The following OTOGL variants were observed in gnomAD, a reference collection of about 807,000 sequenced individuals.
The protein encoded by OTOGL is otogelin-like protein.
A neutral mutation model predicts 318.5 loss-of-function variants in OTOGL; 285 were observed. The observed-to-expected ratio is 0.89, with a 90% confidence interval of 0.81 to 0.99. OTOGL has a LOEUF of 0.99. Ranked by LOEUF, OTOGL falls within the 50% of genes least tolerant of loss-of-function variation. The pLI is 0.00. For missense variants in OTOGL, 2,899 were observed against 2,845.6 expected, an observed-to-expected ratio of 1.02 and a Z score of -0.43; for synonymous variants, 987 against 936.5, an observed-to-expected ratio of 1.05 and a Z score of -0.99.
At chr12:80,368,099 G>A in intron 54 of OTOGL, 106 bp from the exon 55 acceptor site, 1 of 809,574 alleles carries the variant, frequency 1.2e-6, no homozygotes, top group Non-Finnish European at 1.9e-6. Flanking sequence ...AATCCTTACA[G>A]TTGTCTGGAA....
At position 80,308,793 on chromosome 12, in the gene OTOGL, C is replaced by T. The variant is rs185617069; in HGVS notation, c.3334-1818C>T. On this transcript the variant is annotated intron_variant, in intron 29 of 58. Transcript: ENST00000547103. Reference sequence around the variant, plus strand: ...CAGCCCGGCCAACACAGCGAATCCCCGTCTCCACCAAAAAAATACAAAAAC... The same window carrying T: ...CAGCCCGGCCAACACAGCGAATCCCTGTCTCCACCAAAAAAATACAAAAAC... Among the ~76,000 whole-genome samples the T allele has an allele frequency of 2.4e-3, 358 of 152,328 alleles. 1 individual carries two copies. Among genetic ancestry groups the T allele is most frequent in the African/African-American group, 7.8e-3 (326 of 41,574 alleles).
chr12:80,249,119 C>T (rs1040064344), intron 11 of OTOGL, among the ~76,000 whole-genome samples: 30 of 146,224 alleles, frequency 2.1e-4, no homozygotes, highest in South Asian at 1.1e-3. Flanking sequence ...AATGTCCTCC[C>T]GTAGCTCAGA....
chr12:80,126,909 C>T (rs7971042), intron 1 of OTOGL, among the ~76,000 whole-genome samples: 81,718 of 151,866 alleles, frequency 0.54, 22,156 homozygotes, highest in Middle Eastern at 0.58. Context: ...TCTTCCTCCA[C>T]CCTTTTATTT....
intron 1 of OTOGL, among the ~76,000 whole-genome samples, chr12:80,184,611 G>A (rs1456442473): frequency 6.6e-6 from 1 of 152,100 alleles, no homozygotes; most frequent in Non-Finnish European, 1.5e-5. Flanking sequence ...AGAGAGTAAT[G>A]AGCATTCCTA....
intron 37 of OTOGL, among the ~76,000 whole-genome samples, chr12:80,332,107 A>T (rs547310040): frequency 3.7e-4 from 57 of 152,278 alleles, no homozygotes; most frequent in African/African-American, 1.3e-3. Flanking sequence ...TAATAGCTTG[A>T]TTTTAGGGCT....
In OTOGL at chr12:80,336,075, G is replaced by C; in HGVS notation, c.4535G>C (p.Cys1512Ser). ...CCAAAGGACGTGGAAATGCCTGACTGTGGTTTCCGAGGAAGGCCAGTTCAA... is the reference window on the plus strand; with the variant it reads ...CCAAAGGACGTGGAAATGCCTGACTCTGGTTTCCGAGGAAGGCCAGTTCAA... Reference protein sequence around the residue: ...NCPKDVEMPDCGFRGRPVQVN... With the variant: ...NCPKDVEMPDSGFRGRPVQVN... Residue 1512 changes from cysteine to serine, a missense_variant, in exon 39 of 59, where the codon TGT (cysteine) becomes TCT (serine). Physicochemically the swap from Cys to Ser is moderately radical, Grantham distance 112. Coordinates refer to ENST00000547103, the MANE Select transcript of OTOGL (RefSeq NM_001378609.3). The C allele has an allele frequency of 6.3e-7, 1 of 1,598,724 alleles. No homozygotes were observed. The highest frequency in any genetic ancestry group is 1.1e-5 in the South Asian group (1 of 91,052).
intron 1 of OTOGL, among the ~76,000 whole-genome samples, chr12:80,172,196 T>C (rs1874245268): frequency 1.3e-5 from 2 of 152,184 alleles, no homozygotes; most frequent in Non-Finnish European, 2.9e-5. Flanking sequence ...TTTTCTTTAC[T>C]TGAAATGCCT....
chr12:80,342,022 G>A lies in OTOGL; in HGVS notation c.5125G>A (p.Gly1709Arg), dbSNP rs1481549919. 1 of 1,608,308 alleles carries A rather than the reference G, an allele frequency of 6.2e-7. No individual in the cohort carries two copies. Among genetic ancestry groups the A allele is most frequent in the South Asian group, 1.1e-5 (1 of 89,812 alleles). The change falls in exon 44 of 59, where the codon GGA (glycine) becomes AGA (arginine). Residue 1709 changes from glycine (G) to arginine (R), a missense_variant. Coordinates refer to ENST00000547103, the MANE Select transcript of OTOGL (RefSeq NM_001378609.3). ...GTIITNMEDIGLFIESWEIEK... is the reference protein window; with the variant it reads ...GTIITNMEDIRLFIESWEIEK... ...AATTATTACAAATATGGAAGACATAGGATTATTTATTGAGAGCTGGGAAAT... is the reference window on the plus strand; with the variant it reads ...AATTATTACAAATATGGAAGACATAAGATTATTTATTGAGAGCTGGGAAAT...
chr12:80,111,175 G>A (rs1030493946), intron 1 of OTOGL, among the ~76,000 whole-genome samples: 1 of 152,140 alleles, frequency 6.6e-6, no homozygotes, highest in African/African-American at 2.4e-5. Context: ...TGGATAGATT[G>A]CAAAAATTTT....
At chr12:80,216,228 T>C (rs926054332) in intron 4 of OTOGL, among the ~76,000 whole-genome samples, 2 of 152,128 alleles carry the variant, frequency 1.3e-5, no homozygotes, top group African/African-American at 4.8e-5. Flanking sequence ...AAATAAAACT[T>C]CACGTAAGGG....
chr12:80,206,240 A>G (rs1876799116), intron 1 of OTOGL, among the ~76,000 whole-genome samples: 1 of 152,164 alleles, frequency 6.6e-6, no homozygotes, highest in East Asian at 1.9e-4. Context: ...TCTTTCATCT[A>G]AACTCTCTTC....
intron 42 of OTOGL, among the ~76,000 whole-genome samples, chr12:80,338,152 A>T (rs556844709): frequency 1.3e-5 from 2 of 152,102 alleles, no homozygotes; most frequent in African/African-American, 4.8e-5. Context: ...CATGATTTGC[A>T]TAATGTAATT....
chr12:80,277,308 C>G (rs990597564), intron 24 of OTOGL, among the ~76,000 whole-genome samples: 17 of 145,810 alleles, frequency 1.2e-4, no homozygotes, highest in South Asian at 2.1e-4. Flanking sequence ...TTTATTAAAA[C>G]TTTTAGAAAA....
chr12:80,360,670 C>T (rs1049739619), intron 52 of OTOGL, among the ~76,000 whole-genome samples: 5 of 151,604 alleles, frequency 3.3e-5, no homozygotes, highest in Non-Finnish European at 4.4e-5. Context: ...TTAGTAGAGA[C>T]GGGGTTTCAC....
chr12:80,200,476 A>G (rs890815387), intron 1 of OTOGL, among the ~76,000 whole-genome samples: 2 of 152,230 alleles, frequency 1.3e-5, no homozygotes, highest in Admixed American at 1.3e-4. Flanking sequence ...AATTCATAAT[A>G]CAAATGAATA....
At chr12:80,275,656 T>G (rs887117010) in intron 24 of OTOGL, among the ~76,000 whole-genome samples, 2 of 151,828 alleles carry the variant, frequency 1.3e-5, no homozygotes, top group South Asian at 2.1e-4. Context: ...CAGAGAAATC[T>G]TTTGTGAAAG....
At position 80,367,719 on chromosome 12, in the gene OTOGL, T is replaced by A. The variant is rs532232519; in HGVS notation, c.6490T>A (p.Cys2164Ser). The A allele has an allele frequency of 3.5e-6, 5 of 1,426,612 alleles. No individual in the cohort carries two copies. The Middle Eastern group carries it at 5.5e-4, about 158-fold the overall frequency. 88.4% of individuals were successfully genotyped at this position (1,426,612 alleles called of 1,614,324 possible). ...CACTCTGAATTTTACACTGGTGAATTGTTCAAAAAAATGTGATGTTGTAAG... is the reference window on the plus strand; with the variant it reads ...CACTCTGAATTTTACACTGGTGAATAGTTCAAAAAAATGTGATGTTGTAAG... ...FHTLNFTLVN[C>S]SKKCDVHQVY... Residue 2164 changes from cysteine (C) to serine (S), a missense_variant, in exon 54 of 59, where the codon TGT becomes AGT. By Grantham distance (112) the Cys-to-Ser change is moderately radical. Around this residue, in one of 3 missense-constraint regions of OTOGL, gnomAD observed 289 missense variants for 304.6 expected, o/e 0.95. Coordinates refer to ENST00000547103, the MANE Select transcript of OTOGL (RefSeq NM_001378609.3).
At chr12:80,286,858 G>A (rs1884669545) in intron 26 of OTOGL, among the ~76,000 whole-genome samples, 1 of 151,960 alleles carries the variant, frequency 6.6e-6, no homozygotes. Context: ...TTGATTTTTT[G>A]AAGGATTTTT....
intron 4 of OTOGL, among the ~76,000 whole-genome samples, chr12:80,213,838 A>T (rs986292600): frequency 7.9e-5 from 12 of 152,180 alleles, no homozygotes; most frequent in African/African-American, 2.9e-4. Context: ...AGCTGTTTAG[A>T]ATTGGAATTT....
Sources: gnomAD v4.1 joint callset for allele counts (sites outside exome capture counted in the v4.1 genomes callset) on GRCh38, gnomAD v4.1.1 for gene constraint, gnomAD v4.1.1 regional missense constraint, MANE v1.5 for transcripts, NCBI Gene and HGNC (gene_info 2026-07-23, HGNC 2026-07-21) for gene names.